The following NVL variants were observed in gnomAD, a reference collection of about 807,000 sequenced individuals.
NVL encodes the protein nuclear VCP like.
In NVL, 84 loss-of-function variants were observed where a neutral mutation model predicts 110.2. That is an observed-to-expected ratio of 0.76 (90% CI 0.64 to 0.91). The LOEUF is 0.91. NVL is among the 40% of genes least tolerant of loss of function. NVL has a pLI of 0.00. For missense variants in NVL, 882 were observed against 1,035.9 expected (o/e 0.85, Z 2.04); for synonymous variants, 354 against 361.1 (o/e 0.98, Z 0.22).
intron 9 of NVL, chr1:224,302,919 T>C (rs1409413220): frequency 6.2e-6 from 2 of 320,886 alleles, no homozygotes; most frequent in Admixed American, 4.2e-5. Flanking sequence ...CGTGGTGGTA[T>C]GTGTCTGTGT....
Position 224,273,060 on chromosome 1 carries a change from C to CAAA in NVL, c.2082+2276_2082+2278dup, listed in dbSNP as rs1049958217. ...AAAAAAAACAAAAAAAACAAACAAA[C>CAAA]AAAAAAAAACACAACAAAAACACAA... On this transcript the variant is annotated intron_variant, in intron 17 of 22. Transcript: ENST00000281701. 5.9e-4 allele frequency among the ~76,000 whole-genome samples: 70 copies of CAAA among 119,380 alleles called. 1 individual carries two copies. Among genetic ancestry groups the CAAA allele is most frequent in the South Asian group, 1.1e-3 (4 of 3,694 alleles). The allele number at this position is 119,380 out of a possible 152,430, so 78.3% of individuals were successfully genotyped here. A position where few individuals can be genotyped will look rare whatever the true frequency, so the allele number is the denominator to read the frequency against.
intron 18 of NVL, among the ~76,000 whole-genome samples, chr1:224,257,347 GA>G (rs915952964): frequency 3.3e-5 from 5 of 149,746 alleles, no homozygotes; most frequent in African/African-American, 4.9e-5. Context: ...AATTAAAAAA[GA>G]AAAAAAAAGT....
chr1:224,265,329 C>A (rs921030154), intron 18 of NVL, among the ~76,000 whole-genome samples: 6 of 151,780 alleles, frequency 4.0e-5, no homozygotes, highest in African/African-American at 1.4e-4. Flanking sequence ...CATGGTGAAA[C>A]CCTGTCTCTA....
chr1:224,234,699 T>C (rs921310901), intron 20 of NVL, among the ~76,000 whole-genome samples: 1 of 152,116 alleles, frequency 6.6e-6, no homozygotes, highest in Non-Finnish European at 1.5e-5. Flanking sequence ...ATTCATTCCT[T>C]CCCATACTAT....
Position 224,304,777 on chromosome 1 carries a change from C to G in NVL, c.784G>C (p.Val262Leu). The G allele has an allele frequency of 1.3e-5, 21 of 1,613,976 alleles. No individual in the cohort carries two copies. Among genetic ancestry groups the G allele is most frequent in the Non-Finnish European group, 1.7e-5 (20 of 1,179,958 alleles). ...ARGLEFQISN[V>L]KFEDVGGNDM... ...TTGCCTCCCACATCTTCAAACTTCA[C>G]GTTGGAGATCTGGAATTCTAACCCC... Residue 262 changes from valine (V) to leucine (L), a missense_variant, in exon 8 of 23, where the codon GTG (valine) becomes CTG (leucine). Transcript: ENST00000281701.
intron 7 of NVL, 27 bp downstream of exon 7, chr1:224,305,007 C>T: frequency 6.2e-7 from 1 of 1,609,232 alleles, no homozygotes; most frequent in Non-Finnish European, 8.5e-7. Context: ...AACATGACCA[C>T]TGCCACCAAC....
chr1:224,238,372 T>G (rs143117657), intron 19 of NVL, among the ~76,000 whole-genome samples: 9 of 152,266 alleles, frequency 5.9e-5, no homozygotes, highest in African/African-American at 2.2e-4. Context: ...CCTGGCAAAG[T>G]GCTCCAGGCA....
chr1:224,235,940 A>AG (rs1487565233), intron 20 of NVL, among the ~76,000 whole-genome samples: 4 of 150,812 alleles, frequency 2.7e-5, no homozygotes, highest in Non-Finnish European at 4.4e-5. Context: ...ATGGAAAAAA[A>AG]AAAAAGAAAA....
At chr1:224,285,896 G>T in intron 15 of NVL, 130 bp downstream of exon 15, 1 of 620,144 alleles carries the variant, frequency 1.6e-6, no homozygotes. Context: ...AAAGTTGTCA[G>T]TTTTGCTAAA....
At chr1:224,287,726 G>T in intron 14 of NVL, 49 bp downstream of exon 14, 4 of 1,498,198 alleles carry the variant, frequency 2.7e-6, no homozygotes, top group Non-Finnish European at 3.7e-6. Flanking sequence ...TTTATCTCTG[G>T]TCTTTAATCC....
intron 15 of NVL, 128 bp from the exon 16 acceptor site, chr1:224,281,313 G>GTT (rs1666300636): frequency 1.2e-5 from 9 of 768,764 alleles, no homozygotes; most frequent in Admixed American, 8.3e-5. Context: ...GTGTGTGTGT[G>GTT]AGATTTAGAT....
intron 5 of NVL, among the ~76,000 whole-genome samples, chr1:224,310,395 C>T (rs1301904727): frequency 2.6e-5 from 4 of 151,884 alleles, no homozygotes; most frequent in Admixed American, 2.0e-4. Context: ...TAGTGAGGGC[C>T]GACTATATTA....
intron 2 of NVL, among the ~76,000 whole-genome samples, chr1:224,326,141 A>G (rs765777087): frequency 1.7e-4 from 26 of 152,186 alleles, no homozygotes; most frequent in Admixed American, 1.6e-3. Context: ...TAACATCTCT[A>G]TCTCTTGACC....
chr1:224,268,159 T>C, intron 17 of NVL, 26 bp from the exon 18 acceptor site: 1 of 1,526,520 alleles, frequency 6.6e-7, no homozygotes, highest in Non-Finnish European at 9.1e-7. Context: ...TCTGGTTCCA[T>C]CAGCTCTCAA....
chr1:224,288,269 G>A (rs966964893), intron 13 of NVL, among the ~76,000 whole-genome samples: 12 of 152,044 alleles, frequency 7.9e-5, no homozygotes, highest in African/African-American at 1.7e-4. Context: ...AAATATAAGC[G>A]TTGGCAAATA....
intron 17 of NVL, chr1:224,269,784 TG>T (rs1664879624): frequency 2.0e-5 from 3 of 150,026 alleles, no homozygotes; most frequent in Non-Finnish European, 4.4e-5. Flanking sequence ...GGTCTTGTTC[TG>T]TCACCCAGGC....
intron 17 of NVL, 134 bp downstream of exon 17, chr1:224,275,205 T>A (rs1665634469): frequency 2.0e-6 from 2 of 1,015,934 alleles, no homozygotes; most frequent in Admixed American, 4.5e-5. Context: ...GGATTTGATT[T>A]CAAATTACTA....
Position 224,311,833 on chromosome 1 carries a change from A to T in NVL, c.309T>A (p.Asp103Glu), listed in dbSNP as rs1443362172. 3 of 1,613,504 alleles carry T rather than the reference A, an allele frequency of 1.9e-6. No individual in the cohort carries two copies. In the East Asian group the frequency reaches 6.7e-5, roughly 36 times the overall value. ...DNEYTESYSD[D>E]DSSMEDYPDP... ...CTGGGTAGTCTTCCATACTTGAATC[A>T]TCATCAGAATAGCTTTCAGTATACC... The change falls in exon 5 of 23, where the codon GAT becomes GAA. Residue 103 changes from aspartate (D) to glutamate (E), a missense_variant. Coordinates refer to ENST00000281701, the MANE Select transcript of NVL (RefSeq NM_002533.4).
chr1:224,250,093 T>G (rs1662290983), intron 19 of NVL, 119 bp downstream of exon 19: 1 of 929,052 alleles, frequency 1.1e-6, no homozygotes, highest in Non-Finnish European at 1.6e-6. Flanking sequence ...AGATATAGGC[T>G]GGGCAAACAC....
Sources: allele counts gnomAD v4.1 joint callset (sites outside exome capture counted in the v4.1 genomes callset), GRCh38; gene constraint gnomAD v4.1.1; transcripts MANE v1.5; gene names NCBI Gene and HGNC (gene_info 2026-07-23, HGNC 2026-07-21).